Variants in ERCC6L2 observed in about 807,000 individuals in gnomAD.
The protein encoded by ERCC6L2 is DNA excision repair protein ERCC-6-like 2.
In ERCC6L2, 77 loss-of-function variants were observed where a neutral mutation model predicts 132.0. The observed-to-expected ratio is 0.58, with a 90% CI of 0.49 to 0.71. The LOEUF (loss-of-function observed/expected upper bound fraction) is 0.71, where lower values mean the gene tolerates loss of function less well. Among genes scored for constraint, ERCC6L2 ranks in the 30% least tolerant of loss-of-function variants. The probability of loss-of-function intolerance (pLI) is 0.00; values close to 1 mark genes in which losing one functional copy is unlikely to be tolerated. For missense variants in ERCC6L2, 1,542 were observed against 1,837.6 expected (o/e 0.84, Z 2.94); for synonymous variants, 583 against 632.4 (o/e 0.92, Z 1.17).
chr9:95,878,333 G>C (rs34692553), intron 1 of ERCC6L2, among the ~76,000 whole-genome samples: 2,119 of 152,322 alleles, frequency 0.014, 49 homozygotes, highest in African/African-American at 0.049. Flanking sequence ...CTTTGCTTTA[G>C]AGAGATAGTG....
chr9:95,904,439 C>T (rs1051258529), intron 3 of ERCC6L2, among the ~76,000 whole-genome samples: 6 of 152,000 alleles, frequency 3.9e-5, no homozygotes, highest in Admixed American at 1.3e-4. Flanking sequence ...ATCTCAAGGA[C>T]GTAGACTTTT....
rs1180192275 is a variant in ERCC6L2, at chr9:95,955,533, T to C, written c.1848-381T>C. Among the ~76,000 whole-genome samples the C allele has an allele frequency of 2.6e-5, 4 of 151,682 alleles. 1 individual carries two copies. Among genetic ancestry groups the C allele is most frequent in the South Asian group, 4.1e-4 (2 of 4,826 alleles). On this transcript the variant is annotated intron_variant, in intron 12 of 18. Transcript: ENST00000653738. ...CCTTATCCCCAAGCAACCACTAGTCTGCTTTCTGGCACTATGGATTAGTTG... is the reference window on the plus strand; with the variant it reads ...CCTTATCCCCAAGCAACCACTAGTCCGCTTTCTGGCACTATGGATTAGTTG...
intron 3 of ERCC6L2, among the ~76,000 whole-genome samples, chr9:95,902,462 A>T (rs192489286): frequency 6.6e-6 from 1 of 152,292 alleles, no homozygotes; most frequent in East Asian, 1.9e-4. Context: ...TAATTATTTT[A>T]TTTACTATAC....
chr9:95,995,894 C>T (rs1833455722), intron 17 of ERCC6L2, among the ~76,000 whole-genome samples: 1 of 152,216 alleles, frequency 6.6e-6, no homozygotes, highest in Non-Finnish European at 1.5e-5. Context: ...TATCCCTCTC[C>T]TTAGACCTCC....
intron 17 of ERCC6L2, among the ~76,000 whole-genome samples, chr9:95,985,675 A>G (rs1469646306): frequency 6.6e-6 from 1 of 152,136 alleles, no homozygotes; most frequent in Non-Finnish European, 1.5e-5. Context: ...GTATCTTCCA[A>G]AGCTGTCAAG....
At chr9:95,907,361 A>C in intron 4 of ERCC6L2, 90 bp downstream of exon 4, 1 of 841,510 alleles carries the variant, frequency 1.2e-6, no homozygotes, top group South Asian at 2.4e-5. Context: ...TTTTTTTGAG[A>C]CAGAGTCTTG....
At chr9:95,966,786 A>ACAATTGC in intron 14 of ERCC6L2, 72 bp downstream of exon 14, 2 of 1,239,824 alleles carry the variant, frequency 1.6e-6, no homozygotes, top group Non-Finnish European at 2.1e-6. Flanking sequence ...AATCTGAAAT[A>ACAATTGC]CAATTGCTGT....
chr9:95,932,291 C>G (rs753449974), intron 11 of ERCC6L2, among the ~76,000 whole-genome samples: 1 of 152,112 alleles, frequency 6.6e-6, no homozygotes, highest in Non-Finnish European at 1.5e-5. Context: ...GTCTTGAACT[C>G]CTGACCTCGT....
At chr9:95,895,006 A>G (rs191193275) in intron 2 of ERCC6L2, among the ~76,000 whole-genome samples, 1 of 152,314 alleles carries the variant, frequency 6.6e-6, no homozygotes, top group African/African-American at 2.4e-5. Flanking sequence ...CAATCATGTT[A>G]TTAAAGTCTT....
intron 3 of ERCC6L2, among the ~76,000 whole-genome samples, chr9:95,899,494 A>G (rs898795384): frequency 6.6e-6 from 1 of 151,636 alleles, no homozygotes; most frequent in African/African-American, 2.4e-5. Context: ...TAACAAAGAT[A>G]CTCATTTGAT....
chr9:95,934,455 T>A (rs887555320), intron 11 of ERCC6L2, among the ~76,000 whole-genome samples: 3 of 151,282 alleles, frequency 2.0e-5, no homozygotes, highest in African/African-American at 7.3e-5. Context: ...AAAACCAATA[T>A]GTGATTTTTA....
chr9:95,992,616 A>C (rs1015486313), intron 17 of ERCC6L2, among the ~76,000 whole-genome samples: 1 of 152,214 alleles, frequency 6.6e-6, no homozygotes, highest in Non-Finnish European at 1.5e-5. Flanking sequence ...TAATTACATC[A>C]AATCTCACAA....
chr9:95,918,589 T>G (rs1829712563), intron 6 of ERCC6L2: 8 of 363,034 alleles, frequency 2.2e-5, no homozygotes, highest in South Asian at 1.9e-4. Context: ...GACGGCCTGA[T>G]TTTTACAAGT....
intron 13 of ERCC6L2, 142 bp from the exon 14 acceptor site, chr9:95,966,420 A>G (rs1448055684): frequency 1.1e-5 from 6 of 553,784 alleles, no homozygotes; most frequent in Non-Finnish European, 1.7e-5. Flanking sequence ...AACATCTGCC[A>G]GGGAAATTAA....
chr9:96,004,480 T>A, intron 17 of ERCC6L2, 40 bp from the exon 18 acceptor site: 1 of 1,189,858 alleles, frequency 8.4e-7, no homozygotes, highest in Non-Finnish European at 1.1e-6. Context: ...ACAATGACTA[T>A]TTTTTCAGAC....
Position 96,015,742 on chromosome 9 carries a change from G to A in ERCC6L2, c.*2539G>A, listed in dbSNP as rs1164879529. On this transcript the variant is annotated 3_prime_UTR_variant, in exon 19 of 19. Transcript: ENST00000653738. ...GGCGTGAACCTGGGAGGCAGAGCTT[G>A]CAGTGAGCCAGGATTGTGCCCCTGC... Among the ~76,000 whole-genome samples, 1 of 152,088 alleles carries A rather than the reference G, an allele frequency of 6.6e-6. No individual in the cohort carries two copies. The highest frequency in any genetic ancestry group is 2.4e-5 in the African/African-American group (1 of 41,438).
At chr9:95,924,561 T>C (rs1282790053) in intron 9 of ERCC6L2, among the ~76,000 whole-genome samples, 1 of 152,118 alleles carries the variant, frequency 6.6e-6, no homozygotes, top group Non-Finnish European at 1.5e-5. Flanking sequence ...CCAGAAATTA[T>C]AGCCTCCTCT....
At chr9:95,896,186 AG>A (rs1482858721) in intron 2 of ERCC6L2, among the ~76,000 whole-genome samples, 1 of 152,054 alleles carries the variant, frequency 6.6e-6, no homozygotes. Flanking sequence ...TTCTTTAGTT[AG>A]TTTCTTTAGT....
chr9:95,878,201 G>A (rs1245625074), intron 1 of ERCC6L2, among the ~76,000 whole-genome samples: 1 of 152,156 alleles, frequency 6.6e-6, no homozygotes, highest in Non-Finnish European at 1.5e-5. Context: ...GAACACAACT[G>A]TGCCCATTTG....
Sources: gnomAD v4.1 joint callset for allele counts (sites outside exome capture counted in the v4.1 genomes callset) on GRCh38, gnomAD v4.1.1 for gene constraint, MANE v1.5 for transcripts, NCBI Gene and HGNC (gene_info 2026-07-23, HGNC 2026-07-21) for gene names.